Variants in ST6GALNAC3 observed in about 807,000 individuals in gnomAD.
ST6GALNAC3 encodes alpha-N-acetylgalactosaminide alpha-2,6-sialyltransferase 3.
Under a neutral mutation model 32.7 loss-of-function variants are expected in ST6GALNAC3, and 25 were observed. The observed-to-expected ratio is 0.76, with a 90% confidence interval of 0.56 to 1.07. ST6GALNAC3 has a LOEUF of 1.07. Among genes scored for constraint, ST6GALNAC3 ranks in the 50% least tolerant of loss-of-function variants. The pLI, the probability that ST6GALNAC3 is intolerant of heterozygous loss-of-function variation, is 0.00. For synonymous variants in ST6GALNAC3, 129 were observed against 133.1 expected, an observed-to-expected ratio of 0.97 and a Z score of 0.21; for missense variants, 355 against 382.4, an observed-to-expected ratio of 0.93 and a Z score of 0.60.
intron 3 of ST6GALNAC3, among the ~76,000 whole-genome samples, chr1:76,461,889 A>C (rs1256543564): frequency 6.6e-6 from 1 of 152,148 alleles, no homozygotes; most frequent in African/African-American, 2.4e-5. Context: ...GACAGTAAAA[A>C]GCAGAATAAG....
intron 2 of ST6GALNAC3, among the ~76,000 whole-genome samples, chr1:76,378,812 G>T (rs1338976817): frequency 2.0e-5 from 3 of 152,124 alleles, no homozygotes; most frequent in African/African-American, 7.2e-5. Context: ...GTGTTTTTTT[G>T]TTGTTTTTTA....
intron 2 of ST6GALNAC3, among the ~76,000 whole-genome samples, chr1:76,345,023 C>T (rs747585943): frequency 2.0e-5 from 3 of 152,154 alleles, no homozygotes; most frequent in Admixed American, 6.5e-5. Flanking sequence ...CCTCAGGTTC[C>T]TTGGCTGTGG....
chr1:76,411,278 G>A (rs558620556), intron 2 of ST6GALNAC3, among the ~76,000 whole-genome samples: 4 of 152,172 alleles, frequency 2.6e-5, no homozygotes, highest in East Asian at 1.9e-4. Flanking sequence ...TAACTTCCAC[G>A]AGTCTCTATT....
intron 3 of ST6GALNAC3, among the ~76,000 whole-genome samples, chr1:76,445,096 T>G (rs1390311178): frequency 6.6e-6 from 1 of 152,172 alleles, no homozygotes; most frequent in Non-Finnish European, 1.5e-5. Flanking sequence ...CCATTAACAT[T>G]TGTCAGTAGT....
intron 1 of ST6GALNAC3, among the ~76,000 whole-genome samples, chr1:76,186,725 C>A: frequency 6.6e-6 from 1 of 152,184 alleles, no homozygotes; most frequent in Non-Finnish European, 1.5e-5. Context: ...TAACTCATTA[C>A]TGTGGTCATC....
chr1:76,613,243 T>C (rs1648053280), intron 3 of ST6GALNAC3, among the ~76,000 whole-genome samples: 1 of 152,232 alleles, frequency 6.6e-6, no homozygotes, highest in South Asian at 2.1e-4. Context: ...AAACAGTAAA[T>C]AAGCCTCTTG....
intron 3 of ST6GALNAC3, among the ~76,000 whole-genome samples, chr1:76,479,912 A>T (rs1214198693): frequency 6.6e-6 from 1 of 152,196 alleles, no homozygotes; most frequent in African/African-American, 2.4e-5. Context: ...AATCAAAAAC[A>T]AAAACAAAAA....
At chr1:76,128,505 A>G (rs759120116) in intron 1 of ST6GALNAC3, among the ~76,000 whole-genome samples, 4 of 152,240 alleles carry the variant, frequency 2.6e-5, no homozygotes, top group Non-Finnish European at 5.9e-5. Flanking sequence ...TTCCTGGTCC[A>G]GGCCACTGAC....
chr1:76,461,278 T>G (rs1658260850), intron 3 of ST6GALNAC3, among the ~76,000 whole-genome samples: 1 of 152,208 alleles, frequency 6.6e-6, no homozygotes, highest in Admixed American at 6.6e-5. Context: ...TTAGTACAAC[T>G]TTAATAAGCT....
intron 3 of ST6GALNAC3, among the ~76,000 whole-genome samples, chr1:76,511,343 A>G (rs1378248286): frequency 6.6e-6 from 1 of 152,082 alleles, no homozygotes; most frequent in African/African-American, 2.4e-5. Flanking sequence ...CTCATCAGTT[A>G]CAATCCAGAA....
rs138045577 is a variant in ST6GALNAC3 at position 76,479,714 on chromosome 1, A to G, written c.623+67297A>G. Reference sequence around the variant, plus strand: ...GATTGTACTGCCCCTTAAAGGTCTCACCTCTCATCCCTGTTGCATTGAGGA... The same window carrying G: ...GATTGTACTGCCCCTTAAAGGTCTCGCCTCTCATCCCTGTTGCATTGAGGA... On this transcript the variant is annotated intron_variant, in intron 3 of 4. Transcript: ENST00000328299. 2.0e-3 allele frequency among the ~76,000 whole-genome samples: 303 copies of G among 152,250 alleles called. 6 individuals are homozygous for G. Among genetic ancestry groups the G allele is most frequent in the Non-Finnish European group, 8.7e-4 (59 of 68,024 alleles).
chr1:76,190,105 C>T (rs182995990), intron 1 of ST6GALNAC3, among the ~76,000 whole-genome samples: 9 of 152,000 alleles, frequency 5.9e-5, no homozygotes, highest in East Asian at 1.9e-4. Context: ...TTTAATGAAA[C>T]GAAAATAATG....
At chr1:76,615,085 A>G (rs1354326696) in intron 3 of ST6GALNAC3, among the ~76,000 whole-genome samples, 1 of 152,180 alleles carries the variant, frequency 6.6e-6, no homozygotes, top group Admixed American at 6.5e-5. Flanking sequence ...GCAGGGGGCT[A>G]GAATATTCAG....
chr1:76,176,114 T>C (rs1193598172), intron 1 of ST6GALNAC3, among the ~76,000 whole-genome samples: 1 of 152,218 alleles, frequency 6.6e-6, no homozygotes, highest in African/African-American at 2.4e-5. Flanking sequence ...GATATGTGGT[T>C]TGTGGCTTGA....
At chr1:76,473,972 C>G (rs1404235479) in intron 3 of ST6GALNAC3, among the ~76,000 whole-genome samples, 1 of 152,074 alleles carries the variant, frequency 6.6e-6, no homozygotes, top group South Asian at 2.1e-4. Context: ...TTTCCCTGGC[C>G]TGCCAGAGAG....
intron 3 of ST6GALNAC3, among the ~76,000 whole-genome samples, chr1:76,551,363 T>C (rs112891584): frequency 0.014 from 2,072 of 152,318 alleles, 36 homozygotes; most frequent in African/African-American, 0.045. Flanking sequence ...TTTATTCAGC[T>C]CTTTTATGCC....
At chr1:76,600,839 A>T (rs1040491382) in intron 3 of ST6GALNAC3, among the ~76,000 whole-genome samples, 1 of 152,298 alleles carries the variant, frequency 6.6e-6, no homozygotes, top group South Asian at 2.1e-4. Flanking sequence ...TCATCAAAAA[A>T]TTTCCTGGAA....
chr1:76,444,508 G>T (rs74730513), intron 3 of ST6GALNAC3, among the ~76,000 whole-genome samples: 1 of 152,158 alleles, frequency 6.6e-6, no homozygotes, highest in Non-Finnish European at 1.5e-5. Flanking sequence ...AAATTAAAAC[G>T]TGAAAAAGAA....
intron 1 of ST6GALNAC3, among the ~76,000 whole-genome samples, chr1:76,228,183 CCTACCACTAAAAGTGTTCTA>C (rs1656180412): frequency 6.6e-6 from 1 of 152,120 alleles, no homozygotes; most frequent in Non-Finnish European, 1.5e-5. Context: ...CAGAAGTTTG[CCTACCACTAAAAGTGTTCTA>C]GAACATTATA....
Sources: allele counts gnomAD v4.1 joint callset (sites outside exome capture counted in the v4.1 genomes callset), GRCh38; gene constraint gnomAD v4.1.1; transcripts MANE v1.5; gene names NCBI Gene and HGNC (gene_info 2026-07-23, HGNC 2026-07-21).